Variants in HERC2 observed in about 807,000 individuals in gnomAD.
The protein encoded by HERC2 is E3 ubiquitin-protein ligase HERC2.
A neutral mutation model predicts 537.7 loss-of-function variants in HERC2; 102 were observed. That is an observed-to-expected ratio of 0.19 (90% CI 0.16 to 0.22). HERC2 has a LOEUF of 0.22. Ranked by LOEUF, HERC2 falls within the 10% of genes least tolerant of loss-of-function variation. HERC2 has a pLI of 1.00. For synonymous variants in HERC2, 2,224 were observed against 2,466.2 expected, an observed-to-expected ratio of 0.90 and a Z score of 2.91; for missense variants, 4,236 against 6,198.2, an observed-to-expected ratio of 0.68 and a Z score of 10.63.
At chr15:28,178,857 C>A (rs376670151) in intron 59 of HERC2, 30 bp downstream of exon 59, 2 of 1,601,062 alleles carry the variant, frequency 1.2e-6, no homozygotes, top group South Asian at 2.2e-5. Flanking sequence ...AAGGCCGCCC[C>A]GCACAGGCCT....
chr15:28,187,582 C>T (rs1896432565), intron 55 of HERC2, among the ~76,000 whole-genome samples: 1 of 152,146 alleles, frequency 6.6e-6, no homozygotes, highest in Non-Finnish European at 1.5e-5. Flanking sequence ...ATCCACCTGC[C>T]TCAGCTTCCC....
chr15:28,235,432 G>A (rs1902325010), intron 26 of HERC2, among the ~76,000 whole-genome samples: 1 of 152,112 alleles, frequency 6.6e-6, no homozygotes, highest in Non-Finnish European at 1.5e-5. Context: ...GAGGAGGGAA[G>A]GAAGCAGATA....
chr15:28,267,031 T>G (rs1305060464), intron 12 of HERC2, among the ~76,000 whole-genome samples: 3 of 152,198 alleles, frequency 2.0e-5, no homozygotes, highest in Non-Finnish European at 2.9e-5. Context: ...GGGATTAGGG[T>G]AGAGAAGTCT....
intron 42 of HERC2, 119 bp from the exon 43 acceptor site, chr15:28,212,702 T>C: frequency 8.9e-7 from 1 of 1,125,452 alleles, no homozygotes; most frequent in African/African-American, 1.6e-5. Context: ...GTAAGCCTTT[T>C]ATAGCTGAGA....
rs769958672 is a variant in HERC2 at position 28,282,253 on chromosome 15, C to A, written c.323-1966G>T. Among the ~76,000 whole-genome samples, 3 of 152,256 alleles carry A rather than the reference C, an allele frequency of 2.0e-5. No individual in the cohort carries two copies. The East Asian group carries it at 5.8e-4, about 30-fold the overall frequency. On this transcript the variant is annotated intron_variant, in intron 4 of 92. Coordinates refer to ENST00000261609, the MANE Select transcript of HERC2 (RefSeq NM_004667.6). ...ACTTACACAGAAGATTTAAGTAAGA[C>A]CTAGAGTCGCCTAACAACATGTTCT...
chr15:28,246,761 A>G lies in HERC2; in HGVS notation c.3372T>C (p.Ile1124=). ...AGGTACCAGTAAAGTCCCCTTCCAC[A>G]ATGTAAGCCACCTCCGCGAAGTGCC... ...SWRHFAEVAY[I]VEGDFTGVLL... is the part of the protein sequence containing the mutation. The change falls in exon 22 of 93, where the codon ATT becomes ATC. Residue 1124 remains isoleucine, a synonymous_variant. Transcript: ENST00000261609. The G allele has an allele frequency of 6.3e-7, 1 of 1,588,870 alleles. No individual in the cohort carries two copies. Among genetic ancestry groups the G allele is most frequent in the Non-Finnish European group, 8.5e-7 (1 of 1,169,786 alleles).
rs573631798 is a variant in HERC2, at chr15:28,287,371, C to T, written c.322+5517G>A. Among the ~76,000 whole-genome samples, 81 of 152,218 alleles carry T rather than the reference C, an allele frequency of 5.3e-4. No homozygotes were observed. The East Asian group carries it at 0.01, about 19-fold the overall frequency. On this transcript the variant is annotated intron_variant, in intron 4 of 92. Transcript: ENST00000261609. The stretch of plus-strand genomic sequence containing the variant: ...GCTGCCAGGTAGAGAGTCGGTTCTG[C>T]GAAAGCTCTGTACCTGTGAGCAAGC...
At position 28,265,720 on chromosome 15, in the gene HERC2, C is replaced by G; in HGVS notation, c.1768G>C (p.Asp590His). Residue 590 changes from aspartate (D) to histidine (H), a missense_variant, in exon 14 of 93, where the codon GAC becomes CAC. Physicochemically the swap from Asp to His is moderately conservative, Grantham distance 81. Coordinates refer to ENST00000261609, the MANE Select transcript of HERC2 (RefSeq NM_004667.6). The surrounding 1 kb of genome is among the most constrained non-coding windows in gnomAD (Gnocchi z 4.0). ...YGRLGHGSSE[D>H]EAIPMLVAGL... ...GCTACCAGCATCGGAATGGCCTCGT[C>G]CTCACTGGAGCCTTCAAACAGATAG... The G allele has an allele frequency of 6.2e-7, 1 of 1,614,184 alleles. No individual in the cohort carries two copies. The highest frequency in any genetic ancestry group is 1.7e-5 in the Admixed American group (1 of 60,030).
intron 24 of HERC2, 60 bp from the exon 25 acceptor site, chr15:28,238,277 G>A: frequency 8.3e-7 from 1 of 1,201,480 alleles, no homozygotes; most frequent in Non-Finnish European, 1.2e-6. Context: ...AGAGATATAG[G>A]AGAAACAGTG....
In HERC2 at chr15:28,169,711, C is replaced by A. The variant is rs896349982; in HGVS notation, c.10058-56G>T. ...TTTAAAATCACAGTTTGATCTATTT[C>A]TATAAAATCTGACCTTACAGGTTAG... On this transcript the variant is annotated intron_variant, in intron 65 of 92. Transcript: ENST00000261609. 7 of 1,534,268 alleles carry A rather than the reference C, an allele frequency of 4.6e-6. No homozygotes were observed. The African/African-American group carries it at 8.3e-5, about 18-fold the overall frequency.
chr15:28,248,510 C>T (rs754510079), intron 21 of HERC2, 42 bp downstream of exon 21: 2 of 1,500,862 alleles, frequency 1.3e-6, no homozygotes, highest in Non-Finnish European at 9.2e-7. Flanking sequence ...AGTAACGAGC[C>T]CCGATCACAT....
At chr15:28,307,964 A>C (rs1000683464) in intron 2 of HERC2, among the ~76,000 whole-genome samples, 11 of 152,128 alleles carry the variant, frequency 7.2e-5, no homozygotes, top group Non-Finnish European at 1.6e-4. Context: ...TCTGTAGTAT[A>C]ATTTGAAGTC....
chr15:28,167,938 A>T (rs1894314701), intron 67 of HERC2, 111 bp from the exon 68 acceptor site: 1 of 1,202,018 alleles, frequency 8.3e-7, no homozygotes, highest in Admixed American at 2.8e-5. Flanking sequence ...GGCTGTTTAG[A>T]ATGTTCCAGA....
At chr15:28,118,912 G>A (rs561045948) in intron 86 of HERC2, among the ~76,000 whole-genome samples, 1 of 152,360 alleles carries the variant, frequency 6.6e-6, no homozygotes, top group South Asian at 2.1e-4. Context: ...GGCTGAGCCA[G>A]AGCAGCCCCC....
At chr15:28,182,840 T>A (rs7170852) in intron 56 of HERC2, among the ~76,000 whole-genome samples, 97,222 of 152,144 alleles carry the variant, frequency 0.64, 36,193 homozygotes, top group Non-Finnish European at 0.85. Flanking sequence ...TTCCAAGCCA[T>A]GGAAACAGAC....
At chr15:28,188,562 T>G (rs1226450618) in intron 55 of HERC2, among the ~76,000 whole-genome samples, 3 of 142,432 alleles carry the variant, frequency 2.1e-5, no homozygotes, top group Non-Finnish European at 4.6e-5. Context: ...AAAAAAAGAG[T>G]ACTTGTTAGA....
chr15:28,211,625 C>T (rs2140425146), intron 43 of HERC2, among the ~76,000 whole-genome samples: 1 of 152,100 alleles, frequency 6.6e-6, no homozygotes, highest in Non-Finnish European at 1.5e-5. Context: ...GAAGGAGGGC[C>T]GCAGGTGCCG....
intron 69 of HERC2, 58 bp downstream of exon 69, chr15:28,163,036 A>T (rs1301579818): frequency 2.1e-6 from 3 of 1,411,812 alleles, no homozygotes; most frequent in Non-Finnish European, 2.9e-6. Context: ...TTTGGAGAGG[A>T]GGGTGGCCCA....
chr15:28,320,836 C>T (rs2595848), intron 2 of HERC2, among the ~76,000 whole-genome samples: 9 of 152,194 alleles, frequency 5.9e-5, no homozygotes, highest in African/African-American at 1.4e-4. Context: ...TGTTTCCTCA[C>T]ATTCTTGATG....
Sources: gnomAD v4.1 joint callset for allele counts (sites outside exome capture counted in the v4.1 genomes callset) on GRCh38, gnomAD v4.1.1 for gene constraint, Gnocchi (gnomAD v3.1) non-coding constraint, MANE v1.5 for transcripts, NCBI Gene and HGNC (gene_info 2026-07-23, HGNC 2026-07-21) for gene names.